The following SERPINA9 variants were observed in gnomAD, a reference collection of about 807,000 sequenced individuals.
The protein encoded by SERPINA9 is serpin family A member 9, also known as serpin A9.
SERPINA9 carries 32 observed loss-of-function variants against 24.5 expected under a neutral mutation model. The ratio of observed to expected loss-of-function variants is 1.30; its 90% CI spans 0.98 to 1.75. The LOEUF is 1.75. Among genes scored for constraint, SERPINA9 ranks in the 40% most tolerant of loss-of-function variants. The pLI, the probability that SERPINA9 is intolerant of heterozygous loss-of-function variation, is 0.00. For synonymous variants in SERPINA9, 233 were observed against 197.7 expected (o/e 1.18, Z -1.50); for missense variants, 594 against 497.1 (o/e 1.19, Z -1.85).
chr14:94,468,338 A>G (rs1281687514), intron 2 of SERPINA9, among the ~76,000 whole-genome samples: 1 of 152,150 alleles, frequency 6.6e-6, no homozygotes, highest in Non-Finnish European at 1.5e-5. Context: ...GGACAGATAA[A>G]CTAGTGCATG....
chr14:94,469,329 G>C lies in SERPINA9; in HGVS notation c.512C>G (p.Ala171Gly). 3 of 1,614,160 alleles carry C rather than the reference G, an allele frequency of 1.9e-6. No homozygotes were observed. The highest frequency in any genetic ancestry group is 2.5e-6 in the Non-Finnish European group (3 of 1,180,038). The change falls in exon 2 of 5, where the codon GCC becomes GGC. Residue 171 changes from alanine to glycine, a missense_variant. Coordinates refer to ENST00000674397, the MANE Select transcript of SERPINA9 (RefSeq NM_175739.4). ...FSTDFSNPSI[A>G]QARINSHVKK... ...CACATGGCTGTTGATCCTCGCCTGGGCAATGGAGGGGTTGGAGAAATCTGT... is the reference window on the plus strand; with the variant it reads ...CACATGGCTGTTGATCCTCGCCTGGCCAATGGAGGGGTTGGAGAAATCTGT...
intron 1 of SERPINA9, among the ~76,000 whole-genome samples, chr14:94,471,628 G>C (rs182644180): frequency 6.6e-6 from 1 of 152,234 alleles, no homozygotes; most frequent in Admixed American, 6.5e-5. Flanking sequence ...TTTGACTAAA[G>C]TGGAATTTTC....
intron 3 of SERPINA9, 96 bp from the exon 4 acceptor site, chr14:94,464,950 C>A: frequency 1.9e-6 from 2 of 1,041,970 alleles, no homozygotes; most frequent in Non-Finnish European, 2.8e-6. Context: ...GTTCTTCCTC[C>A]AACCACTGCT....
At chr14:94,474,359 A>G (rs967166082) in intron 1 of SERPINA9, among the ~76,000 whole-genome samples, 5 of 152,208 alleles carry the variant, frequency 3.3e-5, no homozygotes, top group African/African-American at 7.2e-5. Context: ...ACCCACCTGA[A>G]GTCGGGGAGT....
chr14:94,475,463 C>G (rs927457367), intron 1 of SERPINA9, among the ~76,000 whole-genome samples: 1 of 146,304 alleles, frequency 6.8e-6, no homozygotes, highest in Non-Finnish European at 1.5e-5. Context: ...CACACACACA[C>G]TGAGCAGACA....
Position 94,476,128 on chromosome 14 carries a change from T to C in SERPINA9, c.-18+8A>G. 6.2e-7 allele frequency: 1 copy of C among 1,614,162 alleles called. No homozygotes were observed. The highest frequency in any genetic ancestry group is 2.2e-5 in the East Asian group (1 of 44,870). On this transcript the variant is annotated splice_region_variant and intron_variant, in intron 1 of 4. Transcript: ENST00000674397. The stretch of plus-strand genomic sequence containing the variant: ...TTCCCGATCTCTCTGCACCTCCTCC[T>C]TACCCACCTTTGCAGGTTCCTCTTC...
Position 94,467,291 on chromosome 14 carries a change from C to G in SERPINA9, c.720G>C (p.Met240Ile). The change falls in exon 3 of 5, where the codon ATG becomes ATC. Residue 240 changes from methionine to isoleucine, a missense_variant. Physicochemically the swap from Met to Ile is conservative, Grantham distance 10. Transcript: ENST00000674397. ...CAAAAGCGAACTGCTCTTTCTGGTG[C>G]ATCATGGGGACATGCACAGTGACCT... Reference protein sequence around the residue: ...GEQVTVHVPMMHQKEQFAFGV... With the variant: ...GEQVTVHVPMIHQKEQFAFGV... 2 of 1,614,134 alleles carry G rather than the reference C, an allele frequency of 1.2e-6. No homozygotes were observed. The highest frequency in any genetic ancestry group is 1.7e-6 in the Non-Finnish European group (2 of 1,179,968).
At chr14:94,464,915 C>T (rs1898930046) in intron 3 of SERPINA9, 61 bp from the exon 4 acceptor site, 1 of 1,427,616 alleles carries the variant, frequency 7.0e-7, no homozygotes, top group Admixed American at 2.2e-5. Context: ...CATCTCTGCT[C>T]CTAGATGCCA....
intron 3 of SERPINA9, among the ~76,000 whole-genome samples, chr14:94,466,607 T>C (rs1425321466): frequency 1.3e-5 from 2 of 152,258 alleles, no homozygotes; most frequent in Admixed American, 1.3e-4. Flanking sequence ...ATTACAGAAC[T>C]AATAATAACA....
intron 1 of SERPINA9, among the ~76,000 whole-genome samples, chr14:94,473,406 C>T (rs562936166): frequency 3.3e-5 from 5 of 151,678 alleles, no homozygotes; most frequent in Non-Finnish European, 4.4e-5. Flanking sequence ...CTAGTCCCAG[C>T]TACTCCGGAG....
intron 1 of SERPINA9, among the ~76,000 whole-genome samples, chr14:94,473,444 G>C (rs8006634): frequency 6.6e-6 from 1 of 150,882 alleles, no homozygotes; most frequent in Non-Finnish European, 1.5e-5. Context: ...ACTTGAACCC[G>C]GGAGGCGGAA....
intron 3 of SERPINA9, among the ~76,000 whole-genome samples, chr14:94,465,620 T>G (rs1648207998): frequency 6.6e-6 from 1 of 152,098 alleles, no homozygotes; most frequent in African/African-American, 2.4e-5. Context: ...CTCCACCCCG[T>G]GGGTTCAAGT....
chr14:94,467,303 A>C lies in SERPINA9; in HGVS notation c.708T>G (p.His236Gln). 4 of 1,614,076 alleles carry C rather than the reference A, an allele frequency of 2.5e-6. No homozygotes were observed. The South Asian group carries it at 3.3e-5, about 13-fold the overall frequency. ...PFLVGEQVTV[H>Q]VPMMHQKEQF... Reference sequence around the variant, plus strand: ...GCTCTTTCTGGTGCATCATGGGGACATGCACAGTGACCTGCTCGCCCACCA... The same window carrying C: ...GCTCTTTCTGGTGCATCATGGGGACCTGCACAGTGACCTGCTCGCCCACCA... The change falls in exon 3 of 5, where the codon CAT becomes CAG. Residue 236 changes from histidine to glutamine, a missense_variant. His to Gln is a conservative substitution (Grantham distance 24). Coordinates refer to ENST00000674397, the MANE Select transcript of SERPINA9 (RefSeq NM_175739.4).
At chr14:94,463,632 G>T (rs1039352965) in intron 4 of SERPINA9, among the ~76,000 whole-genome samples, 2 of 152,202 alleles carry the variant, frequency 1.3e-5, no homozygotes, top group Non-Finnish European at 2.9e-5. Context: ...GCCCCGTAAG[G>T]TTATTGTGTA....
intron 1 of SERPINA9, 40 bp from the exon 2 acceptor site, chr14:94,469,897 G>A: frequency 6.8e-7 from 1 of 1,474,794 alleles, no homozygotes; most frequent in Non-Finnish European, 9.0e-7. Context: ...GTAAACTGAG[G>A]GTCCAGGCCC....
intron 1 of SERPINA9, among the ~76,000 whole-genome samples, chr14:94,474,839 C>T (rs998971289): frequency 6.6e-6 from 1 of 152,108 alleles, no homozygotes; most frequent in Non-Finnish European, 1.5e-5. Flanking sequence ...CATCTCCAAG[C>T]GCTCCTCCAC....
chr14:94,472,364 C>G (rs1253214575), intron 1 of SERPINA9, among the ~76,000 whole-genome samples: 1 of 150,712 alleles, frequency 6.6e-6, no homozygotes, highest in Non-Finnish European at 1.5e-5. Context: ...CTCTACTTAG[C>G]TATTACCGGC....
At chr14:94,475,437 T>TAC (rs56863971) in intron 1 of SERPINA9, among the ~76,000 whole-genome samples, 5,091 of 149,882 alleles carry the variant, frequency 0.034, 107 homozygotes, top group Non-Finnish European at 0.047. Flanking sequence ...CACACACACA[T>TAC]ACACACACAC....
chr14:94,465,138 A>G (rs917177841), intron 3 of SERPINA9, among the ~76,000 whole-genome samples: 2 of 152,220 alleles, frequency 1.3e-5, no homozygotes, highest in Non-Finnish European at 2.9e-5. Flanking sequence ...AGAAACCAAC[A>G]GGAGACGTCC....
Sources: gnomAD v4.1 joint callset for allele counts (sites outside exome capture counted in the v4.1 genomes callset) on GRCh38, gnomAD v4.1.1 for gene constraint, MANE v1.5 for transcripts, NCBI Gene and HGNC (gene_info 2026-07-23, HGNC 2026-07-21) for gene names.